RAD54L2: variants seen among roughly 807,000 people sequenced by gnomAD.
The protein encoded by RAD54L2 is helicase ARIP4.
In RAD54L2, 27 loss-of-function variants were observed where a neutral mutation model predicts 138.4. That is an observed-to-expected ratio of 0.20 (90% confidence interval 0.14 to 0.27). RAD54L2 has a LOEUF of 0.27. Among genes scored for constraint, RAD54L2 ranks in the 10% least tolerant of loss-of-function variants. The pLI is 1.00. For synonymous variants in RAD54L2, 644 were observed against 723.2 expected (o/e 0.89, Z 1.76); for missense variants, 1,396 against 1,890.2 (o/e 0.74, Z 4.85).
rs34235841 is a variant in RAD54L2, at chr3:51,663,594, C to CAAAAAAAAAAAAAAAAAAAAAAAAA, written c.*198_*199insAAAAAAAAAAAAAAAAAAAAAAAAA. On this transcript the variant is annotated 3_prime_UTR_variant, in exon 23 of 23. Coordinates refer to ENST00000684192, the MANE Select transcript of RAD54L2 (RefSeq NM_015106.4). The stretch of plus-strand genomic sequence containing the variant: ...CTCTGTTGCTGTTTAACAAAAGAGG[C>CAAAAAAAAAAAAAAAAAAAAAAAAA]AAAAAAAAAAAAAAAAAAAAAAAAG... 1 of 53,504 alleles carries CAAAAAAAAAAAAAAAAAAAAAAAAA rather than the reference C, an allele frequency of 1.9e-5. No individual in the cohort carries two copies. Among genetic ancestry groups the CAAAAAAAAAAAAAAAAAAAAAAAAA allele is most frequent in the Non-Finnish European group, 3.4e-5 (1 of 29,740 alleles). 3.3% of individuals were successfully genotyped at this position (53,504 alleles called of 1,614,324 possible).
chr3:51,608,588 G>T (rs934155586), intron 3 of RAD54L2, among the ~76,000 whole-genome samples: 1 of 152,218 alleles, frequency 6.6e-6, no homozygotes, highest in Non-Finnish European at 1.5e-5. Flanking sequence ...ACCTCGGGAG[G>T]CTGAGGCTGG....
At chr3:51,611,293 G>A (rs1026372738) in intron 3 of RAD54L2, 2 of 151,310 alleles carry the variant, frequency 1.3e-5, no homozygotes, top group African/African-American at 2.4e-5. Context: ...TGAGTACATA[G>A]TAGGTGTATA....
At chr3:51,571,388 CTTTTTTT>C (rs568383202) in intron 2 of RAD54L2, among the ~76,000 whole-genome samples, 1 of 115,842 alleles carries the variant, frequency 8.6e-6, no homozygotes, top group African/African-American at 3.2e-5. Flanking sequence ...GGAATACCTG[CTTTTTTT>C]TTTTTTTTTT....
intron 3 of RAD54L2, among the ~76,000 whole-genome samples, chr3:51,596,218 G>A (rs1311955417): frequency 1.4e-5 from 2 of 147,022 alleles, no homozygotes; most frequent in Non-Finnish European, 3.0e-5. Context: ...GTGAGCCACC[G>A]CTCCCGGCCT....
chr3:51,566,119 C>T (rs149891771), intron 2 of RAD54L2, among the ~76,000 whole-genome samples: 14 of 152,208 alleles, frequency 9.2e-5, no homozygotes, highest in African/African-American at 1.9e-4. Flanking sequence ...TGAGCCACTG[C>T]GCCCAGCACT....
rs1051092650 is a variant in RAD54L2, at chr3:51,665,612, G to A, written c.*2192G>A. On this transcript the variant is annotated 3_prime_UTR_variant, in exon 23 of 23. Coordinates refer to ENST00000684192, the MANE Select transcript of RAD54L2 (RefSeq NM_015106.4). ...TTTAAAAATAGCAGTTCCAACCAGT[G>A]CTTTCTCTTTCAGATGCATCCCAAG... 6.6e-6 allele frequency: 1 copy of A among 152,192 alleles called. No homozygotes were observed. Among genetic ancestry groups the A allele is most frequent in the Non-Finnish European group, 1.5e-5 (1 of 68,036 alleles). 9.4% of individuals were successfully genotyped at this position (152,192 alleles called of 1,614,324 possible). A position where few individuals can be genotyped will look rare whatever the true frequency, so the allele number is the denominator to read the frequency against.
intron 3 of RAD54L2, among the ~76,000 whole-genome samples, chr3:51,624,104 C>A (rs1330303681): frequency 1.3e-5 from 2 of 151,838 alleles, no homozygotes; most frequent in Non-Finnish European, 2.9e-5. Flanking sequence ...ACAATCCATA[C>A]CTCATACCTG....
At chr3:51,586,417 T>G (rs953945449) in intron 2 of RAD54L2, among the ~76,000 whole-genome samples, 14 of 148,610 alleles carry the variant, frequency 9.4e-5, no homozygotes. Context: ...CACACCAGGC[T>G]CTTTGTTGCC....
At chr3:51,624,156 T>C (rs764420787) in intron 3 of RAD54L2, among the ~76,000 whole-genome samples, 1 of 151,840 alleles carries the variant, frequency 6.6e-6, no homozygotes, top group African/African-American at 2.4e-5. Flanking sequence ...TGTTTTTTGT[T>C]TGTTTGTTTG....
chr3:51,545,920 C>CTA (rs1698680286), intron 2 of RAD54L2, among the ~76,000 whole-genome samples: 1 of 149,022 alleles, frequency 6.7e-6, no homozygotes, highest in Non-Finnish European at 1.5e-5. Flanking sequence ...TTATCAAAGC[C>CTA]TACATCAATT....
At chr3:51,574,313 C>G in intron 2 of RAD54L2, among the ~76,000 whole-genome samples, 1 of 152,116 alleles carries the variant, frequency 6.6e-6, no homozygotes, top group East Asian at 1.9e-4. Context: ...CATACGTGTG[C>G]ATGTGTCTTT....
intron 2 of RAD54L2, among the ~76,000 whole-genome samples, chr3:51,588,160 TG>T (rs1373662695): frequency 8.4e-6 from 1 of 119,432 alleles, no homozygotes; most frequent in Admixed American, 1.2e-4. Flanking sequence ...CACTCCAGCC[TG>T]GGTGACAGAG....
In RAD54L2 at chr3:51,664,051, A is replaced by G. The variant is rs1272855970; in HGVS notation, c.*631A>G. 6.6e-6 allele frequency: 1 copy of G among 152,160 alleles called. No homozygotes were observed. Among genetic ancestry groups the G allele is most frequent in the Non-Finnish European group, 1.5e-5 (1 of 68,066 alleles). 9.4% of individuals were successfully genotyped at this position (152,160 alleles called of 1,614,324 possible). A position where few individuals can be genotyped will look rare whatever the true frequency, so the allele number is the denominator to read the frequency against. On this transcript the variant is annotated 3_prime_UTR_variant, in exon 23 of 23. Transcript: ENST00000684192. The stretch of plus-strand genomic sequence containing the variant: ...GAAGAACTAAGAGGGAAACTGAAAA[A>G]TGAATTTATCTTTCTTTAAATGGAA...
chr3:51,554,634 G>A (rs1470954891), intron 2 of RAD54L2, among the ~76,000 whole-genome samples: 3 of 152,122 alleles, frequency 2.0e-5, no homozygotes. Flanking sequence ...CGTTTGTGGT[G>A]GAAAATTTGC....
Position 51,639,618 on chromosome 3 carries a change from T to C in RAD54L2, c.2060T>C (p.Val687Ala). Residue 687 changes from valine to alanine, a missense_variant, in exon 13 of 23, where the codon GTT (valine) becomes GCT (alanine). This residue lies in a region of RAD54L2 where 211 missense variants were observed against 273.8 expected (regional missense o/e 0.77). Transcript: ENST00000684192. ...ACCAATAGCAAGTTCCTACAGGGCGTTGGCTTCAACCCTTTCCAGGAGCGA... is the reference window on the plus strand; with the variant it reads ...ACCAATAGCAAGTTCCTACAGGGCGCTGGCTTCAACCCTTTCCAGGAGCGA... ...EATNSKFLQGVGFNPFQERGN... is the reference protein window; with the variant it reads ...EATNSKFLQGAGFNPFQERGN... 1.9e-6 allele frequency: 3 copies of C among 1,613,922 alleles called. No homozygotes were observed. The highest frequency in any genetic ancestry group is 2.5e-6 in the Non-Finnish European group (3 of 1,179,872).
chr3:51,574,778 T>G (rs1052745250), intron 2 of RAD54L2, among the ~76,000 whole-genome samples: 2 of 152,248 alleles, frequency 1.3e-5, no homozygotes, highest in African/African-American at 4.8e-5. Context: ...TGTAAAAATT[T>G]TCTCCCATTC....
intron 3 of RAD54L2, among the ~76,000 whole-genome samples, chr3:51,621,543 T>G (rs1485072445): frequency 6.6e-6 from 1 of 152,108 alleles, no homozygotes. Flanking sequence ...AACAGCCCAT[T>G]CCACAAGGCA....
intron 2 of RAD54L2, among the ~76,000 whole-genome samples, chr3:51,543,046 T>C (rs1698593802): frequency 6.6e-6 from 1 of 152,194 alleles, no homozygotes; most frequent in African/African-American, 2.4e-5. Context: ...ATTCTCCAGA[T>C]GCAGGAGAGA....
At chr3:51,553,124 A>G (rs115266764) in intron 2 of RAD54L2, among the ~76,000 whole-genome samples, 6,673 of 151,988 alleles carry the variant, frequency 0.044, 238 homozygotes, top group Non-Finnish European at 0.065. Context: ...TGTTGCCAGG[A>G]TGGAGGGCAG....
Sources: gnomAD v4.1 joint callset for allele counts (sites outside exome capture counted in the v4.1 genomes callset) on GRCh38, gnomAD v4.1.1 for gene constraint, gnomAD v4.1.1 regional missense constraint, MANE v1.5 for transcripts, NCBI Gene and HGNC (gene_info 2026-07-23, HGNC 2026-07-21) for gene names.